The following MNAT1 variants were observed in gnomAD, a reference collection of about 807,000 sequenced individuals.
MNAT1 encodes CDK-activating kinase assembly factor MAT1.
MNAT1 carries 43 observed loss-of-function variants against 42.0 expected under a neutral mutation model. That is an observed-to-expected ratio of 1.02 (90% CI 0.80 to 1.32). The LOEUF is 1.32. Ranked by LOEUF, MNAT1 falls within the 40% of genes most tolerant of loss-of-function variation. The probability of loss-of-function intolerance (pLI) is 0.00; values close to 1 mark genes in which losing one functional copy is unlikely to be tolerated. For synonymous variants in MNAT1, 118 were observed against 120.0 expected (o/e 0.98, Z 0.11); for missense variants, 306 against 350.4 (o/e 0.87, Z 1.01).
intron 3 of MNAT1, among the ~76,000 whole-genome samples, chr14:60,803,858 A>G (rs1257812893): frequency 6.6e-6 from 1 of 152,190 alleles, no homozygotes; most frequent in Non-Finnish European, 1.5e-5. Flanking sequence ...AGCATCAAAC[A>G]TTTTCAATAG....
chr14:60,747,270 C>T (rs1170994006), intron 1 of MNAT1, among the ~76,000 whole-genome samples: 1 of 152,010 alleles, frequency 6.6e-6, no homozygotes, highest in African/African-American at 2.4e-5. Context: ...AGGCGTGAGC[C>T]AATGCGCCCT....
At chr14:60,846,392 A>T (rs985468076) in intron 6 of MNAT1, among the ~76,000 whole-genome samples, 7 of 151,942 alleles carry the variant, frequency 4.6e-5, no homozygotes, top group Admixed American at 1.3e-4. Flanking sequence ...AAGAATTTTT[A>T]AAAAATTTTT....
intron 7 of MNAT1, among the ~76,000 whole-genome samples, chr14:60,898,497 A>G (rs188303458): frequency 3.3e-4 from 50 of 152,138 alleles, no homozygotes; most frequent in Non-Finnish European, 5.3e-4. Context: ...TTATATTTGC[A>G]TTTCCCTGAT....
chr14:60,940,360 G>A (rs529867290), intron 7 of MNAT1, among the ~76,000 whole-genome samples: 2 of 152,342 alleles, frequency 1.3e-5, no homozygotes, highest in South Asian at 4.1e-4. Context: ...TGTTTTTGCA[G>A]TGGCTCTGGA....
chr14:60,794,686 G>GTA (rs1384876122), intron 1 of MNAT1, among the ~76,000 whole-genome samples: 146 of 110,342 alleles, frequency 1.3e-3, no homozygotes, highest in Non-Finnish European at 2.2e-3. Flanking sequence ...TATAAAATAG[G>GTA]TATATATATA....
intron 3 of MNAT1, among the ~76,000 whole-genome samples, chr14:60,801,066 C>A (rs545729307): frequency 6.6e-6 from 1 of 151,680 alleles, no homozygotes. Flanking sequence ...TAACCTAGCA[C>A]TGGGAAATAG....
intron 1 of MNAT1, among the ~76,000 whole-genome samples, chr14:60,747,264 G>A (rs542630083): frequency 7.2e-5 from 11 of 152,152 alleles, no homozygotes; most frequent in South Asian, 4.1e-4. Flanking sequence ...GATTACAGGC[G>A]TGAGCCAATG....
At chr14:60,763,921 A>G (rs978353080) in intron 1 of MNAT1, among the ~76,000 whole-genome samples, 1 of 152,218 alleles carries the variant, frequency 6.6e-6, no homozygotes, top group Non-Finnish European at 1.5e-5. Flanking sequence ...TGCTTCATGT[A>G]AACTAGTTTT....
At chr14:60,748,382 C>T (rs921457982) in intron 1 of MNAT1, among the ~76,000 whole-genome samples, 2 of 152,034 alleles carry the variant, frequency 1.3e-5, no homozygotes, top group Non-Finnish European at 2.9e-5. Flanking sequence ...AGGTTGGCGC[C>T]ACTGTGCCCA....
chr14:60,934,443 A>G (rs2035949838), intron 7 of MNAT1, among the ~76,000 whole-genome samples: 1 of 152,052 alleles, frequency 6.6e-6, no homozygotes, highest in Non-Finnish European at 1.5e-5. Context: ...TCGAATTTCC[A>G]TGTGTCGTGG....
intron 6 of MNAT1, among the ~76,000 whole-genome samples, chr14:60,832,315 T>C (rs2139385393): frequency 6.6e-6 from 1 of 152,318 alleles, no homozygotes; most frequent in East Asian, 1.9e-4. Context: ...TTTTAGGTCT[T>C]ACGTTTAAGT....
chr14:60,857,409 A>G (rs1233757202), intron 6 of MNAT1, among the ~76,000 whole-genome samples: 2 of 152,188 alleles, frequency 1.3e-5, no homozygotes, highest in Non-Finnish European at 2.9e-5. Flanking sequence ...AATTGCTGCA[A>G]TCTCATGATA....
intron 7 of MNAT1, among the ~76,000 whole-genome samples, chr14:60,888,534 G>T (rs1204629594): frequency 6.6e-5 from 10 of 151,652 alleles, no homozygotes; most frequent in African/African-American, 2.4e-4. Flanking sequence ...TTGAAAACTG[G>T]CACAAGACAG....
At chr14:60,853,890 T>A (rs1371561967) in intron 6 of MNAT1, among the ~76,000 whole-genome samples, 1 of 152,246 alleles carries the variant, frequency 6.6e-6, no homozygotes, top group African/African-American at 2.4e-5. Flanking sequence ...ATCCCAGGGA[T>A]GAAGCCAACT....
intron 7 of MNAT1, among the ~76,000 whole-genome samples, chr14:60,917,655 C>CT (rs1440957463): frequency 1.3e-5 from 2 of 149,506 alleles, no homozygotes; most frequent in Non-Finnish European, 3.0e-5. Flanking sequence ...TGGAGTCTCA[C>CT]TTTTTTGCCC....
At chr14:60,962,503 T>G (rs1037511596) in intron 7 of MNAT1, among the ~76,000 whole-genome samples, 16 of 152,188 alleles carry the variant, frequency 1.1e-4, no homozygotes, top group Admixed American at 7.2e-4. Context: ...TAGCTATATC[T>G]TCTGTGTGTT....
At chr14:60,762,330 A>G (rs2030634540) in intron 1 of MNAT1, among the ~76,000 whole-genome samples, 1 of 152,154 alleles carries the variant, frequency 6.6e-6, no homozygotes, top group Non-Finnish European at 1.5e-5. Flanking sequence ...ATATCTTATG[A>G]TGGATTATAG....
In MNAT1 at chr14:60,968,982, G is replaced by A. The variant is rs911212694; in HGVS notation, c.*633G>A. On this transcript the variant is annotated 3_prime_UTR_variant, in exon 8 of 8. Coordinates refer to ENST00000261245, the MANE Select transcript of MNAT1 (RefSeq NM_002431.4). Reference sequence around the variant, plus strand: ...AAGGTGTTATAGTTCCCAGCTGTGAGCCACACTCAGGATAAAACAAAACCC... The same window carrying A: ...AAGGTGTTATAGTTCCCAGCTGTGAACCACACTCAGGATAAAACAAAACCC... 5 of 154,506 alleles carry A rather than the reference G, an allele frequency of 3.2e-5. No individual in the cohort carries two copies. Among genetic ancestry groups the A allele is most frequent in the Admixed American group, 1.3e-4 (2 of 15,360 alleles). 9.6% of individuals were successfully genotyped at this position (154,506 alleles called of 1,614,324 possible). A position where few individuals can be genotyped will look rare whatever the true frequency, so the allele number is the denominator to read the frequency against.
intron 1 of MNAT1, among the ~76,000 whole-genome samples, chr14:60,785,633 G>A (rs1055985653): frequency 6.6e-6 from 1 of 152,120 alleles, no homozygotes; most frequent in Non-Finnish European, 1.5e-5. Flanking sequence ...TGTTGTTGAG[G>A]TAGGAGATGA....
Sources: gnomAD v4.1 joint callset for allele counts (sites outside exome capture counted in the v4.1 genomes callset) on GRCh38, gnomAD v4.1.1 for gene constraint, MANE v1.5 for transcripts, NCBI Gene and HGNC (gene_info 2026-07-23, HGNC 2026-07-21) for gene names.